The following ENAH variants were observed in gnomAD, a reference collection of about 807,000 sequenced individuals.
ENAH encodes the protein protein enabled homolog.
Under a neutral mutation model 78.7 loss-of-function variants are expected in ENAH, and 23 were observed. The ratio of observed to expected loss-of-function variants is 0.29; its 90% CI spans 0.21 to 0.41. The LOEUF (loss-of-function observed/expected upper bound fraction) is 0.41. Ranked by LOEUF, ENAH falls within the 10% of genes least tolerant of loss-of-function variation. The pLI is 1.00. For synonymous variants in ENAH, 226 were observed against 241.0 expected (o/e 0.94, Z 0.58); for missense variants, 544 against 691.0 (o/e 0.79, Z 2.39).
chr1:225,505,777 T>A (rs2096323674), intron 11 of ENAH, among the ~76,000 whole-genome samples: 1 of 152,160 alleles, frequency 6.6e-6, no homozygotes, highest in African/African-American at 2.4e-5. Context: ...AGTAGTTGGA[T>A]CAAATCTATC....
intron 1 of ENAH, among the ~76,000 whole-genome samples, chr1:225,591,447 G>T (rs138674448): frequency 1.3e-5 from 2 of 149,566 alleles, no homozygotes; most frequent in Admixed American, 1.3e-4. Flanking sequence ...CAGCCTGGGC[G>T]ACAAGAGCGA....
chr1:225,540,464 C>T (rs1335981817), intron 3 of ENAH, among the ~76,000 whole-genome samples: 1 of 151,892 alleles, frequency 6.6e-6, no homozygotes, highest in Non-Finnish European at 1.5e-5. Context: ...AAGAGAAATA[C>T]AAAGGCATGA....
chr1:225,502,630 A>T (rs555696923), intron 11 of ENAH, among the ~76,000 whole-genome samples: 10 of 152,302 alleles, frequency 6.6e-5, no homozygotes, highest in African/African-American at 2.4e-4. Context: ...CTTCCAGAAA[A>T]TTTCATTCAA....
rs932543670 is a variant in ENAH, at chr1:225,554,023, TAACAGATTTTG to T, written c.349+872_349+882del. 3.8e-4 allele frequency among the ~76,000 whole-genome samples: 58 copies of T among 152,214 alleles called. 1 individual carries two copies. Among genetic ancestry groups the T allele is most frequent in the African/African-American group, 1.4e-3 (57 of 41,460 alleles). On this transcript the variant is annotated intron_variant, in intron 3 of 13. Coordinates refer to ENST00000366843, the MANE Select transcript of ENAH (RefSeq NM_018212.6). Reference sequence around the variant, plus strand: ...ACATATACATTGTTTAATGTATTTATAACAGATTTTGAACAGATTTTGATATTCTACACTTT... The same window carrying T: ...ACATATACATTGTTTAATGTATTTATAACAGATTTTGATATTCTACACTTT...
chr1:225,586,843 G>A (rs892601245), intron 1 of ENAH, among the ~76,000 whole-genome samples: 1 of 150,060 alleles, frequency 6.7e-6, no homozygotes, highest in Admixed American at 6.7e-5. Flanking sequence ...GGCCAACATG[G>A]TGAAACCCTG....
intron 5 of ENAH, 31 bp downstream of exon 5, chr1:225,519,167 A>C (rs768904652): frequency 6.2e-7 from 1 of 1,604,120 alleles, no homozygotes; most frequent in Non-Finnish European, 8.5e-7. Context: ...GCTCAGATAC[A>C]AGAACACAGA....
chr1:225,532,628 T>TA (rs1157710750), intron 3 of ENAH, among the ~76,000 whole-genome samples: 1 of 152,140 alleles, frequency 6.6e-6, no homozygotes, highest in Non-Finnish European at 1.5e-5. Context: ...TTATTTTATT[T>TA]AACAGGTTTT....
chr1:225,579,831 G>C (rs748326590), intron 1 of ENAH, among the ~76,000 whole-genome samples: 23 of 152,176 alleles, frequency 1.5e-4, no homozygotes, highest in Non-Finnish European at 2.9e-4. Flanking sequence ...ATCCAAGTCA[G>C]TGTAGAAAAA....
intron 4 of ENAH, among the ~76,000 whole-genome samples, chr1:225,526,087 C>T (rs982041901): frequency 5.3e-5 from 8 of 152,082 alleles, no homozygotes; most frequent in Non-Finnish European, 1.2e-4. Flanking sequence ...GTTTGCGGAC[C>T]TTTGATCTAG....
chr1:225,592,907 T>G lies in ENAH; in HGVS notation c.6-25493A>C, dbSNP rs184248512. Among the ~76,000 whole-genome samples the G allele has an allele frequency of 5.0e-4, 76 of 152,274 alleles. 1 individual carries two copies. Among genetic ancestry groups the G allele is most frequent in the South Asian group, 1.2e-3 (6 of 4,818 alleles). The stretch of plus-strand genomic sequence containing the variant: ...AAATTCTGTCCTGAAAAACAGCCTG[T>G]CCACTACAGCTGGGGAAACATATTT... On this transcript the variant is annotated intron_variant, in intron 1 of 13. Transcript: ENST00000366843.
intron 1 of ENAH, among the ~76,000 whole-genome samples, chr1:225,648,502 C>T (rs1407552770): frequency 6.6e-6 from 1 of 152,170 alleles, no homozygotes; most frequent in Non-Finnish European, 1.5e-5. Context: ...ACTGAATAAA[C>T]TTTAGTGAAT....
rs2096779685 is a variant in ENAH, at chr1:225,574,697, C to A, written c.6-7283G>T. 1.0e-4 allele frequency among the ~76,000 whole-genome samples: 2 copies of A among 19,088 alleles called. 1 individual carries two copies. The highest frequency in any genetic ancestry group is 1.8e-4 in the Non-Finnish European group (2 of 11,238). 12.5% of individuals were successfully genotyped at this position (19,088 alleles called of 152,430 possible). ...CGGGCGGATCACGAGGTCAGGAGAT[C>A]GAGACCATCCTGGGTAACACAGTGA... On this transcript the variant is annotated intron_variant, in intron 1 of 13. Coordinates refer to ENST00000366843, the MANE Select transcript of ENAH (RefSeq NM_018212.6).
intron 1 of ENAH, among the ~76,000 whole-genome samples, chr1:225,619,744 C>T (rs1656458618): frequency 6.6e-6 from 1 of 152,174 alleles, no homozygotes; most frequent in Non-Finnish European, 1.5e-5. Flanking sequence ...GCTTTTAAAA[C>T]ACAGCTATCA....
At chr1:225,599,389 A>G (rs1160073934) in intron 1 of ENAH, among the ~76,000 whole-genome samples, 1 of 152,194 alleles carries the variant, frequency 6.6e-6, no homozygotes, top group Admixed American at 6.5e-5. Flanking sequence ...ATGATATTCA[A>G]TTTCCAGAGT....
chr1:225,515,783 A>G (rs10799319), intron 6 of ENAH, among the ~76,000 whole-genome samples: 100,181 of 151,942 alleles, frequency 0.66, 33,354 homozygotes, highest in Middle Eastern at 0.75. Context: ...AGAAAACATC[A>G]ATTGTTAAAA....
rs930053951 is a variant in ENAH, at chr1:225,488,183, T to A, written c.*9592A>T. 11 of 151,736 alleles carry A rather than the reference T, an allele frequency of 7.2e-5. No individual in the cohort carries two copies. The highest frequency in any genetic ancestry group is 1.9e-4 in the East Asian group (1 of 5,192). The allele number at this position is 151,736 out of a possible 1,614,324, so 9.4% of individuals were successfully genotyped here. ...TTTTTATTTATTTATTTATTTATTA[T>A]TTATTTATTTATTTTTTAAGGAGAC... On this transcript the variant is annotated 3_prime_UTR_variant, in exon 14 of 14. Transcript: ENST00000366843.
intron 1 of ENAH, among the ~76,000 whole-genome samples, chr1:225,631,723 T>A (rs1447787821): frequency 6.6e-6 from 1 of 152,198 alleles, no homozygotes; most frequent in Non-Finnish European, 1.5e-5. Context: ...AGTTTCTCCA[T>A]GTACCAGCAA....
intron 3 of ENAH, among the ~76,000 whole-genome samples, chr1:225,543,332 G>A (rs2096598483): frequency 1.3e-5 from 2 of 152,126 alleles, no homozygotes. Flanking sequence ...CAAAGAGCAG[G>A]ATAATATTTG....
intron 3 of ENAH, among the ~76,000 whole-genome samples, chr1:225,543,215 C>G (rs902485069): frequency 6.6e-6 from 1 of 152,014 alleles, no homozygotes; most frequent in Non-Finnish European, 1.5e-5. Flanking sequence ...ATCCAGTCTT[C>G]AAAGTGGGAC....
Sources: allele counts gnomAD v4.1 joint callset (sites outside exome capture counted in the v4.1 genomes callset), GRCh38; gene constraint gnomAD v4.1.1; transcripts MANE v1.5; gene names NCBI Gene and HGNC (gene_info 2026-07-23, HGNC 2026-07-21).